The following GALNT2 variants were observed in gnomAD, a reference collection of about 807,000 sequenced individuals.
GALNT2 encodes polypeptide N-acetylgalactosaminyltransferase 2, also known as UDP-GalNAc:polypeptide N-acetylgalactosaminyltransferase 2.
Under a neutral mutation model 81.4 loss-of-function variants are expected in GALNT2, and 31 were observed. The ratio of observed to expected loss-of-function variants is 0.38; its 90% CI spans 0.29 to 0.51. The LOEUF is 0.51. Among genes scored for constraint, GALNT2 ranks in the 20% least tolerant of loss-of-function variants. The pLI is 0.87. For missense variants in GALNT2, 629 were observed against 765.7 expected (o/e 0.82, Z 2.11); for synonymous variants, 303 against 287.4 (o/e 1.05, Z -0.55).
chr1:230,115,756 G>C (rs1310649405), intron 1 of GALNT2, among the ~76,000 whole-genome samples: 1 of 152,178 alleles, frequency 6.6e-6, no homozygotes, highest in Non-Finnish European at 1.5e-5. Flanking sequence ...TTTGCCCACA[G>C]TAGGACTTCT....
At chr1:230,226,635 G>T (rs1664720561) in intron 3 of GALNT2, among the ~76,000 whole-genome samples, 1 of 152,184 alleles carries the variant, frequency 6.6e-6, no homozygotes, top group African/African-American at 2.4e-5. Context: ...AACACATGCG[G>T]AGGCAGGTGC....
intron 1 of GALNT2, among the ~76,000 whole-genome samples, chr1:230,173,728 G>T (rs1223631118): frequency 6.6e-6 from 1 of 152,214 alleles, no homozygotes. Flanking sequence ...GCTACTGGGC[G>T]CAAGAGCCTT....
At chr1:230,146,782 G>A (rs1461753471) in intron 1 of GALNT2, among the ~76,000 whole-genome samples, 2 of 152,216 alleles carry the variant, frequency 1.3e-5, no homozygotes, top group African/African-American at 4.8e-5. Context: ...GAAATGGCAT[G>A]CCAGGGGCTG....
At chr1:230,155,401 C>T (rs918653095) in intron 1 of GALNT2, among the ~76,000 whole-genome samples, 2 of 152,350 alleles carry the variant, frequency 1.3e-5, no homozygotes, top group South Asian at 2.1e-4. Flanking sequence ...CTCTTAATCC[C>T]GGTCATCATT....
chr1:230,279,185 G>GGAAAAACGTGTCT lies in GALNT2; in HGVS notation c.1561-117_1561-105dup. ...CCTCGGCCGTTCAGATGAGAGGCTG[G>GGAAAAACGTGTCT]GAAAAACGTGTCTATCTGTGAGTTT... On this transcript the variant is annotated intron_variant, in intron 15 of 15. Transcript: ENST00000366672. This position sits in a 1 kb window ranked among gnomAD's most constrained non-coding sequence, Gnocchi z 4.6. 7.1e-6 allele frequency: 8 copies of GGAAAAACGTGTCT among 1,132,904 alleles called. No individual in the cohort carries two copies. The highest frequency in any genetic ancestry group is 9.9e-6 in the Non-Finnish European group (8 of 810,788). 70.2% of individuals were successfully genotyped at this position (1,132,904 alleles called of 1,614,324 possible). A position where few individuals can be genotyped will look rare whatever the true frequency, so the allele number is the denominator to read the frequency against.
At chr1:230,083,070 CG>C (rs1659787747) in intron 1 of GALNT2, among the ~76,000 whole-genome samples, 1 of 138,834 alleles carries the variant, frequency 7.2e-6, no homozygotes, top group African/African-American at 2.8e-5. Context: ...GCAGGGAAGC[CG>C]GGATGATGGA....
intron 1 of GALNT2, among the ~76,000 whole-genome samples, chr1:230,157,181 G>A (rs1662283707): frequency 6.6e-6 from 1 of 152,226 alleles, no homozygotes; most frequent in African/African-American, 2.4e-5. Flanking sequence ...AACTTACTGT[G>A]TAGTATTGAG....
At chr1:230,215,293 T>C (rs1193073457) in intron 3 of GALNT2, among the ~76,000 whole-genome samples, 1 of 152,220 alleles carries the variant, frequency 6.6e-6, no homozygotes, top group Non-Finnish European at 1.5e-5. Flanking sequence ...TACAAGACCA[T>C]CGCTTCTGCT....
chr1:230,196,128 G>C (rs1663687888), intron 2 of GALNT2, among the ~76,000 whole-genome samples: 1 of 152,206 alleles, frequency 6.6e-6, no homozygotes. Flanking sequence ...AAGTACTTCA[G>C]CCCAGGCTAG....
At chr1:230,276,891 C>T (rs1458419414) in intron 15 of GALNT2, among the ~76,000 whole-genome samples, 1 of 152,150 alleles carries the variant, frequency 6.6e-6, no homozygotes. Flanking sequence ...ATCTGCTGAG[C>T]CAAGTACTGG....
chr1:230,098,301 G>T (rs1660307712), intron 1 of GALNT2, among the ~76,000 whole-genome samples: 1 of 152,080 alleles, frequency 6.6e-6, no homozygotes, highest in Non-Finnish European at 1.5e-5. Context: ...AACTCTGTTT[G>T]TATGTAGTGT....
intron 2 of GALNT2, among the ~76,000 whole-genome samples, chr1:230,198,033 T>G (rs1254031235): frequency 6.6e-6 from 1 of 152,188 alleles, no homozygotes; most frequent in Non-Finnish European, 1.5e-5. Flanking sequence ...ACAGCACGTC[T>G]CATATGCGGC....
At position 230,067,312 on chromosome 1, in the gene GALNT2, T is replaced by A; in HGVS notation, c.32T>A (p.Phe11Tyr). 7.2e-7 allele frequency: 1 copy of A among 1,382,124 alleles called. No individual in the cohort carries two copies. Among genetic ancestry groups the A allele is most frequent in the Non-Finnish European group, 9.5e-7 (1 of 1,054,552 alleles). The allele number at this position is 1,382,124 out of a possible 1,614,324, so 85.6% of individuals were successfully genotyped here. Residue 11 changes from phenylalanine to tyrosine, a missense_variant, in exon 1 of 16, where the codon TTC (phenylalanine) becomes TAC (tyrosine). Coordinates refer to ENST00000366672, the MANE Select transcript of GALNT2 (RefSeq NM_004481.5). ...CGGCGCTCGCGGATGCTGCTCTGCT[T>A]CGCCTTCCTGTGGGTGCTGGGCATC... is the stretch of plus-strand genomic sequence containing the variant. Reference protein sequence around the residue: MRRRSRMLLCFAFLWVLGIAY... With the variant: MRRRSRMLLCYAFLWVLGIAY...
At chr1:230,079,165 C>T (rs149881836) in intron 1 of GALNT2, among the ~76,000 whole-genome samples, 32 of 152,316 alleles carry the variant, frequency 2.1e-4, no homozygotes, top group African/African-American at 7.2e-4. Context: ...TTTTGGTTCT[C>T]CCAACAAGAT....
intron 15 of GALNT2, among the ~76,000 whole-genome samples, 160 bp downstream of exon 15, chr1:230,274,724 GACTT>G (rs1169948277): frequency 6.6e-6 from 1 of 152,096 alleles, no homozygotes; most frequent in Non-Finnish European, 1.5e-5. Flanking sequence ...TGCCCTATTA[GACTT>G]AAGCCACAAA....
At chr1:230,215,294 C>T (rs990211620) in intron 3 of GALNT2, among the ~76,000 whole-genome samples, 6 of 152,222 alleles carry the variant, frequency 3.9e-5, no homozygotes, top group African/African-American at 1.2e-4. Flanking sequence ...ACAAGACCAT[C>T]GCTTCTGCTC....
At chr1:230,216,050 G>A (rs1484615137) in intron 3 of GALNT2, among the ~76,000 whole-genome samples, 3 of 152,174 alleles carry the variant, frequency 2.0e-5, no homozygotes, top group Non-Finnish European at 4.4e-5. Flanking sequence ...TAGCTGTGAA[G>A]CAGTGATCCT....
intron 6 of GALNT2, among the ~76,000 whole-genome samples, chr1:230,241,647 A>G (rs1430512655): frequency 6.6e-6 from 1 of 151,644 alleles, no homozygotes. Flanking sequence ...GGGTTTCACC[A>G]TGTTAGCTAG....
At chr1:230,249,388 G>T (rs1334948852) in intron 9 of GALNT2, 117 bp downstream of exon 9, 1 of 755,714 alleles carries the variant, frequency 1.3e-6, no homozygotes. Flanking sequence ...CTGCCCTCCG[G>T]TTTCCCCTCG....
Sources: allele counts gnomAD v4.1 joint callset (sites outside exome capture counted in the v4.1 genomes callset), GRCh38; gene constraint gnomAD v4.1.1; non-coding constraint Gnocchi (gnomAD v3.1); transcripts MANE v1.5; gene names NCBI Gene and HGNC (gene_info 2026-07-23, HGNC 2026-07-21).